CUX1: variants seen among roughly 807,000 people sequenced by gnomAD.
CUX1 encodes cut like homeobox 1.
CUX1 carries 31 observed loss-of-function variants against 158.8 expected under a neutral mutation model. That is an observed-to-expected ratio of 0.20 (90% CI 0.15 to 0.26). The LOEUF is 0.26. Among genes scored for constraint, CUX1 ranks in the 10% least tolerant of loss-of-function variants. The pLI is 1.00. For missense variants in CUX1, 1,589 were observed against 2,014.6 expected (o/e 0.79, Z 4.04); for synonymous variants, 879 against 862.1 (o/e 1.02, Z -0.34).
At position 102,178,483 on chromosome 7, in the gene CUX1, G is replaced by A. The variant is rs1554512700; in HGVS notation, c.843G>A (p.Glu281=). The change falls in exon 11 of 24, where the codon GAG becomes GAA. Residue 281 remains glutamate (E), a synonymous_variant. Coordinates refer to ENST00000292535, the MANE Select transcript of CUX1 (RefSeq NM_181552.4). Reference sequence around the variant, plus strand: ...CTCCTCCCCAGGAGCAGGCCATAGAGGTGCTGACCCGCTCCAGCCTAGAAG... The same window carrying A: ...CTCCTCCCCAGGAGCAGGCCATAGAAGTGCTGACCCGCTCCAGCCTAGAAG... ...QKAPDVEQAI[E]VLTRSSLEVE... 6 of 1,605,328 alleles carry A rather than the reference G, an allele frequency of 3.7e-6. No individual in the cohort carries two copies. In the African/African-American group the frequency reaches 6.7e-5, roughly 18 times the overall value.
chr7:102,175,055 G>A lies in CUX1; in HGVS notation c.829-3414G>A, dbSNP rs372944790. On this transcript the variant is annotated intron_variant, in intron 10 of 23. Coordinates refer to ENST00000292535, the MANE Select transcript of CUX1 (RefSeq NM_181552.4). ...CATTTTCACCTCATTTAGTTCGTGC[G>A]AGACAGCGATGATTTTTGCTGTTTT... Among the ~76,000 whole-genome samples, 26 of 152,362 alleles carry A rather than the reference G, an allele frequency of 1.7e-4. No homozygotes were observed. The East Asian group carries it at 4.0e-3, about 24-fold the overall frequency.
At chr7:102,205,985 C>T (rs1586210397) in intron 20 of CUX1, among the ~76,000 whole-genome samples, 1 of 152,146 alleles carries the variant, frequency 6.6e-6, no homozygotes, top group Non-Finnish European at 1.5e-5. Context: ...CTCTTTTTCC[C>T]TTTCTGTATT....
At chr7:101,884,841 G>T (rs1484915605) in intron 1 of CUX1, among the ~76,000 whole-genome samples, 1 of 152,164 alleles carries the variant, frequency 6.6e-6, no homozygotes, top group Admixed American at 6.5e-5. Flanking sequence ...GATCTTCAGT[G>T]ATTTGAAGCC....
chr7:102,145,778 C>G (rs1309825246), intron 8 of CUX1, among the ~76,000 whole-genome samples: 3 of 152,024 alleles, frequency 2.0e-5, no homozygotes. Flanking sequence ...GAAACCCTGC[C>G]TCTACTAAAA....
chr7:102,019,957 G>A (rs964846519), intron 2 of CUX1, among the ~76,000 whole-genome samples: 1 of 152,146 alleles, frequency 6.6e-6, no homozygotes, highest in Non-Finnish European at 1.5e-5. Flanking sequence ...CTTTAAACCA[G>A]ATTTCTTTTA....
At chr7:102,123,948 C>T (rs1832340175) in intron 8 of CUX1, among the ~76,000 whole-genome samples, 1 of 152,124 alleles carries the variant, frequency 6.6e-6, no homozygotes, top group Non-Finnish European at 1.5e-5. Flanking sequence ...CAGGCATGAG[C>T]CACCGCGCCT....
intron 14 of CUX1, among the ~76,000 whole-genome samples, chr7:102,270,922 G>A (rs565163292): frequency 1.6e-4 from 24 of 152,160 alleles, no homozygotes; most frequent in East Asian, 9.6e-4. Context: ...ACAAGTGCAC[G>A]GGGACCAGGC....
At chr7:102,282,595 C>A in intron 21 of CUX1, 1 of 1,044,642 alleles carries the variant, frequency 9.6e-7, no homozygotes, top group South Asian at 1.5e-5. Flanking sequence ...GACCCACCCG[C>A]CCCGGAGTCT....
intron 1 of CUX1, among the ~76,000 whole-genome samples, chr7:101,831,919 T>A (rs1794077989): frequency 6.8e-6 from 1 of 148,014 alleles, no homozygotes; most frequent in African/African-American, 2.5e-5. Context: ...CTTTTTTGTA[T>A]TTTTTGTAGA....
chr7:101,817,600 G>T, upstream of CUX1: 1 of 1,533,766 alleles, frequency 6.5e-7, no homozygotes, highest in Non-Finnish European at 8.8e-7. This position sits in a 1 kb window ranked among gnomAD's most constrained non-coding sequence, Gnocchi z 4.1. Flanking sequence ...CCAGCTCGGC[G>T]CCCGCGGCGC....
At chr7:102,281,992 C>A in intron 21 of CUX1, 1 of 1,088,082 alleles carries the variant, frequency 9.2e-7, no homozygotes, top group Non-Finnish European at 1.4e-6. Flanking sequence ...CAGCAGGGGC[C>A]TGTTACGGTG....
chr7:102,170,187 C>T (rs1299766461), intron 9 of CUX1, among the ~76,000 whole-genome samples: 1 of 152,174 alleles, frequency 6.6e-6, no homozygotes, highest in Non-Finnish European at 1.5e-5. Context: ...ATTCAGTGGG[C>T]CGGAGTATTA....
At chr7:102,071,079 C>T (rs1210565398) in intron 4 of CUX1, among the ~76,000 whole-genome samples, 2 of 152,150 alleles carry the variant, frequency 1.3e-5, no homozygotes, top group Non-Finnish European at 2.9e-5. Context: ...CCTCAACCTC[C>T]CAAGTGGCTG....
chr7:101,845,267 C>T (rs554523608), intron 1 of CUX1, among the ~76,000 whole-genome samples: 6 of 152,084 alleles, frequency 3.9e-5, no homozygotes, highest in African/African-American at 9.7e-5. Context: ...ATTACATGTG[C>T]GAGCCCCCAT....
chr7:102,168,034 C>T (rs1349691537), intron 9 of CUX1, among the ~76,000 whole-genome samples: 3 of 150,990 alleles, frequency 2.0e-5, no homozygotes, highest in South Asian at 2.1e-4. Flanking sequence ...ACTGAGATTG[C>T]ACCACTGCAC....
At chr7:102,067,268 C>G (rs1825651700) in intron 3 of CUX1, among the ~76,000 whole-genome samples, 1 of 119,690 alleles carries the variant, frequency 8.4e-6, no homozygotes, top group African/African-American at 3.3e-5. Context: ...GAGTCTTGCT[C>G]TGTTGCCAGG....
At chr7:102,048,181 G>A (rs1159532305) in intron 3 of CUX1, among the ~76,000 whole-genome samples, 3 of 152,150 alleles carry the variant, frequency 2.0e-5, no homozygotes, top group East Asian at 3.8e-4. Context: ...GGGCAAGGCA[G>A]GGACTCCCAG....
intron 8 of CUX1, among the ~76,000 whole-genome samples, chr7:102,148,281 G>A (rs1260459357): frequency 2.6e-5 from 4 of 152,146 alleles, no homozygotes; most frequent in Non-Finnish European, 4.4e-5. Context: ...GCTCACACCT[G>A]TGATCCTAAC....
intron 4 of CUX1, among the ~76,000 whole-genome samples, chr7:102,094,921 G>A (rs1009477243): frequency 1.3e-5 from 2 of 152,142 alleles, no homozygotes; most frequent in Non-Finnish European, 2.9e-5. Flanking sequence ...TTTACAAACA[G>A]CACCTGGAAT....
Sources: gnomAD v4.1 joint callset for allele counts (sites outside exome capture counted in the v4.1 genomes callset) on GRCh38, gnomAD v4.1.1 for gene constraint, Gnocchi (gnomAD v3.1) non-coding constraint, MANE v1.5 for transcripts, NCBI Gene and HGNC (gene_info 2026-07-23, HGNC 2026-07-21) for gene names.